Variants in PRMT3 observed in about 807,000 individuals in gnomAD.
PRMT3 encodes the protein protein arginine N-methyltransferase 3.
Under a neutral mutation model 71.9 loss-of-function variants are expected in PRMT3, and 62 were observed. The observed-to-expected ratio is 0.86, with a 90% confidence interval of 0.70 to 1.07. The LOEUF is 1.07. Ranked by LOEUF, PRMT3 falls within the 50% of genes least tolerant of loss-of-function variation. PRMT3 has a pLI of 0.00. For synonymous variants in PRMT3, 213 were observed against 220.4 expected (o/e 0.97, Z 0.30); for missense variants, 663 against 643.0 (o/e 1.03, Z -0.34).
chr11:20,475,811 C>T (rs747976962), intron 13 of PRMT3, among the ~76,000 whole-genome samples: 4 of 151,640 alleles, frequency 2.6e-5, no homozygotes, highest in African/African-American at 9.7e-5. Flanking sequence ...GACGCCACCA[C>T]GCCCAGCTAA....
chr11:20,480,416 T>C (rs1377826540), intron 13 of PRMT3, among the ~76,000 whole-genome samples: 2 of 152,174 alleles, frequency 1.3e-5, no homozygotes, highest in Non-Finnish European at 2.9e-5. Context: ...AAAATGTCTA[T>C]CTGGTGGTCA....
intron 8 of PRMT3, 50 bp from the exon 9 acceptor site, chr11:20,407,861 A>C: frequency 6.6e-7 from 1 of 1,506,530 alleles, no homozygotes; most frequent in South Asian, 1.2e-5. Flanking sequence ...TAATATAGAG[A>C]CCTTTTTGAT....
intron 13 of PRMT3, among the ~76,000 whole-genome samples, chr11:20,477,267 C>A (rs914075050): frequency 6.6e-6 from 1 of 152,026 alleles, no homozygotes; most frequent in Admixed American, 6.6e-5. Context: ...GTAGACACAT[C>A]AAGGGGTGGG....
chr11:20,484,904 G>A (rs1851034855), intron 13 of PRMT3, among the ~76,000 whole-genome samples: 1 of 152,186 alleles, frequency 6.6e-6, no homozygotes, highest in Admixed American at 6.5e-5. Context: ...CCAAGACTCA[G>A]AAAAGAAGGT....
intron 13 of PRMT3, among the ~76,000 whole-genome samples, chr11:20,484,543 GTAT>G (rs1851025236): frequency 6.6e-6 from 1 of 152,140 alleles, no homozygotes; most frequent in Non-Finnish European, 1.5e-5. Context: ...GGTCTGATGT[GTAT>G]TATAAGGGGG....
intron 6 of PRMT3, among the ~76,000 whole-genome samples, chr11:20,397,307 G>A (rs1417607725): frequency 6.6e-6 from 1 of 152,168 alleles, no homozygotes; most frequent in African/African-American, 2.4e-5. Flanking sequence ...AAAGTAATAT[G>A]CTTATTTGTT....
chr11:20,433,251 C>T (rs902763438), intron 10 of PRMT3, among the ~76,000 whole-genome samples: 5 of 152,136 alleles, frequency 3.3e-5, no homozygotes, highest in East Asian at 3.9e-4. Flanking sequence ...GTTCCCTTCT[C>T]GTATTCGTGA....
chr11:20,495,253 C>T (rs1336474153), intron 15 of PRMT3, among the ~76,000 whole-genome samples: 2 of 152,080 alleles, frequency 1.3e-5, no homozygotes, highest in Non-Finnish European at 2.9e-5. Context: ...TGACCTCAGA[C>T]GATCTGCCCA....
chr11:20,480,695 G>A (rs776575621), intron 13 of PRMT3, among the ~76,000 whole-genome samples: 9 of 152,166 alleles, frequency 5.9e-5, no homozygotes, highest in South Asian at 2.1e-4. Flanking sequence ...CAGTTTTAGC[G>A]GACTTGTTCA....
intron 10 of PRMT3, among the ~76,000 whole-genome samples, chr11:20,431,522 T>A (rs978740393): frequency 6.6e-6 from 1 of 152,146 alleles, no homozygotes; most frequent in Non-Finnish European, 1.5e-5. Flanking sequence ...ACTAGCTAAT[T>A]CAATAAATAA....
At chr11:20,423,813 A>C (rs960305724) in intron 9 of PRMT3, among the ~76,000 whole-genome samples, 1 of 135,614 alleles carries the variant, frequency 7.4e-6, no homozygotes, top group Non-Finnish European at 1.5e-5. Context: ...GTTTGAGGTT[A>C]CAGTGAGCCA....
chr11:20,390,442 C>T (rs1694659047), intron 3 of PRMT3, among the ~76,000 whole-genome samples: 1 of 151,478 alleles, frequency 6.6e-6, no homozygotes. Flanking sequence ...AGATGTAGGA[C>T]TTGAAAAAGG....
At chr11:20,412,062 A>G (rs1176864415) in intron 9 of PRMT3, among the ~76,000 whole-genome samples, 1 of 152,190 alleles carries the variant, frequency 6.6e-6, no homozygotes, top group Non-Finnish European at 1.5e-5. Context: ...CAGACTTATT[A>G]TTATCTCACA....
At position 20,488,979 on chromosome 11, in the gene PRMT3, G is replaced by T. The variant is rs531765343; in HGVS notation, c.1348-4940G>T. On this transcript the variant is annotated intron_variant, in intron 13 of 15. Coordinates refer to ENST00000331079, the MANE Select transcript of PRMT3 (RefSeq NM_005788.4). ...AGTTCTGAAACTATTACATGCTGAG[G>T]AATATTTAAGATGTACAACAGAGCT... Among the ~76,000 whole-genome samples, 3 of 152,096 alleles carry T rather than the reference G, an allele frequency of 2.0e-5. No homozygotes were observed. In the East Asian group the frequency reaches 5.8e-4, roughly 30 times the overall value.
chr11:20,387,847 C>G lies in PRMT3; in HGVS notation c.28+73C>G. 6.5e-7 allele frequency: 1 copy of G among 1,536,238 alleles called. No homozygotes were observed. The highest frequency in any genetic ancestry group is 1.2e-5 in the South Asian group (1 of 83,856). ...CGCCGCTGTGGGGCCGGTGGAAGACCCTCCGGGACACGGGCCCGGGCAGGG... is the reference window on the plus strand; with the variant it reads ...CGCCGCTGTGGGGCCGGTGGAAGACGCTCCGGGACACGGGCCCGGGCAGGG... On this transcript the variant is annotated intron_variant, in intron 1 of 15. Transcript: ENST00000331079. This position sits in a 1 kb window ranked among gnomAD's most constrained non-coding sequence, Gnocchi z 4.3.
chr11:20,433,794 A>G (rs1184048026), intron 10 of PRMT3, among the ~76,000 whole-genome samples: 1 of 151,862 alleles, frequency 6.6e-6, no homozygotes, highest in Non-Finnish European at 1.5e-5. Flanking sequence ...TAATTTTTGT[A>G]TTTTTGGTAG....
intron 10 of PRMT3, among the ~76,000 whole-genome samples, chr11:20,428,717 C>T (rs1194234897): frequency 3.3e-5 from 5 of 152,212 alleles, no homozygotes; most frequent in African/African-American, 1.2e-4. Context: ...CTTTACCAAG[C>T]TCCTATGATG....
intron 10 of PRMT3, among the ~76,000 whole-genome samples, chr11:20,437,492 T>G (rs1849786271): frequency 6.6e-6 from 1 of 152,220 alleles, no homozygotes; most frequent in Non-Finnish European, 1.5e-5. Context: ...TATAGTCTCT[T>G]TGCAGCTTCT....
At chr11:20,452,022 G>T in intron 10 of PRMT3, 108 bp from the exon 11 acceptor site, 1 of 726,712 alleles carries the variant, frequency 1.4e-6, no homozygotes. Context: ...ATCTGTGGCA[G>T]AAAAAAAAAT....
Sources: allele counts gnomAD v4.1 joint callset (sites outside exome capture counted in the v4.1 genomes callset), GRCh38; gene constraint gnomAD v4.1.1; non-coding constraint Gnocchi (gnomAD v3.1); transcripts MANE v1.5; gene names NCBI Gene and HGNC (gene_info 2026-07-23, HGNC 2026-07-21).